NBEA: variants seen among roughly 807,000 people sequenced by gnomAD.
NBEA encodes the protein neurobeachin.
In NBEA, 44 loss-of-function variants were observed where a neutral mutation model predicts 343.4. The observed-to-expected ratio is 0.13, with a 90% CI of 0.10 to 0.16. The LOEUF (loss-of-function observed/expected upper bound fraction) is 0.16, where lower values mean the gene tolerates loss of function less well. Among genes scored for constraint, NBEA ranks in the 10% least tolerant of loss-of-function variants. NBEA has a pLI of 1.00. For synonymous variants in NBEA, 1,175 were observed against 1,238.7 expected (o/e 0.95, Z 1.08); for missense variants, 2,555 against 3,631.3 (o/e 0.70, Z 7.62).
At chr13:35,000,225 A>G (rs1002292248) in intron 1 of NBEA, among the ~76,000 whole-genome samples, 6 of 152,318 alleles carry the variant, frequency 3.9e-5, no homozygotes, top group South Asian at 2.1e-4. Context: ...AAGAAGGGCA[A>G]TGAACCAGGA....
In NBEA at chr13:35,615,263, A is replaced by C. The variant is rs145104025; in HGVS notation, c.7449+8685A>C. Among the ~76,000 whole-genome samples the C allele has an allele frequency of 8.0e-3, 1,182 of 146,906 alleles. 14 individuals carry two copies. The highest frequency in any genetic ancestry group is 0.028 in the African/African-American group (1,092 of 39,456). On this transcript the variant is annotated intron_variant, in intron 48 of 58. Coordinates refer to ENST00000379939, the MANE Select transcript of NBEA (RefSeq NM_001385012.1). ...ACATCACACCATTGCACTCCAGCCT[A>C]GGTGACAGAATAAGACCCTGTCTCA...
chr13:35,489,334 A>G (rs976576188), intron 41 of NBEA, among the ~76,000 whole-genome samples: 3 of 151,696 alleles, frequency 2.0e-5, no homozygotes, highest in African/African-American at 7.3e-5. Flanking sequence ...CGGTCGTTTT[A>G]TGAACTCTTT....
Position 35,472,499 on chromosome 13 carries a change from A to T in NBEA, c.6548A>T (p.Asp2183Val), listed in dbSNP as rs369385598. Reference protein sequence around the residue: ...ITTTEIYFEVDEDDSAFKKID... With the variant: ...ITTTEIYFEVVEDDSAFKKID... ...ACGACAGAAATCTACTTCGAGGTAG[A>T]TGAGGATGATTCTGCCTTCAAGAAG... Residue 2183 changes from aspartate to valine, a missense_variant, in exon 41 of 59, where the codon GAT becomes GTT. Physicochemically the swap from Asp to Val is radical, Grantham distance 152. Transcript: ENST00000379939. The T allele has an allele frequency of 2.2e-5, 36 of 1,613,828 alleles. No individual in the cohort carries two copies. The highest frequency in any genetic ancestry group is 3.0e-5 in the Non-Finnish European group (35 of 1,179,880).
chr13:35,029,235 G>A (rs905661628), intron 1 of NBEA, among the ~76,000 whole-genome samples: 11 of 145,106 alleles, frequency 7.6e-5, no homozygotes, highest in East Asian at 2.0e-4. Context: ...TAAACATTTA[G>A]TCTATAACAC....
At chr13:34,998,788 G>T (rs372506881) in intron 1 of NBEA, among the ~76,000 whole-genome samples, 2 of 151,922 alleles carry the variant, frequency 1.3e-5, no homozygotes, top group Non-Finnish European at 2.9e-5. Flanking sequence ...TGCAGTTAAC[G>T]CAATCATCAC....
intron 41 of NBEA, chr13:35,476,013 C>T: frequency 1.2e-6 from 2 of 1,614,220 alleles, no homozygotes; most frequent in Non-Finnish European, 1.7e-6. Flanking sequence ...CCACTTCCTT[C>T]AGTACGTCGG....
At chr13:35,049,290 T>TATATATAAATAC (rs2062979564) in intron 5 of NBEA, among the ~76,000 whole-genome samples, 1 of 151,924 alleles carries the variant, frequency 6.6e-6, no homozygotes, top group East Asian at 1.9e-4. Context: ...ATGCTAGGCA[T>TATATATAAATAC]TGTAAGTGTT....
chr13:34,969,749 T>C (rs776740149), intron 1 of NBEA, among the ~76,000 whole-genome samples: 3 of 152,082 alleles, frequency 2.0e-5, no homozygotes, highest in Non-Finnish European at 2.9e-5. Flanking sequence ...CTGCATAGTA[T>C]TCCATGCTGT....
chr13:35,447,354 C>T (rs2046096625), intron 39 of NBEA, among the ~76,000 whole-genome samples: 3 of 152,052 alleles, frequency 2.0e-5, no homozygotes. Flanking sequence ...CATTTTAGTT[C>T]TGCTGTTACT....
At chr13:35,000,646 G>A (rs2061100636) in intron 1 of NBEA, among the ~76,000 whole-genome samples, 1 of 151,390 alleles carries the variant, frequency 6.6e-6, no homozygotes, top group African/African-American at 2.4e-5. Context: ...CAGGGATACT[G>A]ATCGAGCAAG....
At chr13:35,285,806 C>G (rs995851070) in intron 34 of NBEA, among the ~76,000 whole-genome samples, 4 of 152,124 alleles carry the variant, frequency 2.6e-5, no homozygotes, top group Non-Finnish European at 5.9e-5. Context: ...TGTAGTGGCT[C>G]CCTGGTGATG....
rs769510067 is a variant in NBEA, at chr13:35,041,083, C to T, written c.445C>T (p.Arg149Trp). The T allele has an allele frequency of 3.7e-6, 6 of 1,613,050 alleles. No homozygotes were observed. Among genetic ancestry groups the T allele is most frequent in the South Asian group, 2.2e-5 (2 of 91,044 alleles). The stretch of plus-strand genomic sequence containing the variant: ...TACAGCCATTCTACGAAAAAGTGTT[C>T]GGAATTTACAGACTAGCACAGAAGT... Reference protein sequence around the residue: ...MFTAILRKSVRNLQTSTEVGL... With the variant: ...MFTAILRKSVWNLQTSTEVGL... The change falls in exon 2 of 59, where the codon CGG becomes TGG. Residue 149 changes from arginine to tryptophan, a missense_variant. By Grantham distance (101) the Arg-to-Trp change is moderately radical. Coordinates refer to ENST00000379939, the MANE Select transcript of NBEA (RefSeq NM_001385012.1).
At chr13:35,431,696 TG>T (rs1015845467) in intron 38 of NBEA, among the ~76,000 whole-genome samples, 2 of 152,204 alleles carry the variant, frequency 1.3e-5, no homozygotes, top group African/African-American at 4.8e-5. Flanking sequence ...TTATTAATAA[TG>T]GATAAAATTG....
intron 35 of NBEA, among the ~76,000 whole-genome samples, chr13:35,308,458 A>ATATATATATATATATATG: frequency 8.4e-6 from 1 of 118,440 alleles, no homozygotes; most frequent in African/African-American, 4.1e-5. Context: ...ATATATATAT[A>ATATATATATATATATATG]TATATATATA....
chr13:35,625,919 C>T (rs760469741), intron 48 of NBEA, among the ~76,000 whole-genome samples: 6 of 152,008 alleles, frequency 3.9e-5, no homozygotes, highest in Non-Finnish European at 5.9e-5. Flanking sequence ...AGAGTGGGCA[C>T]GGATGACTCA....
chr13:35,317,025 G>C (rs756131858), intron 36 of NBEA, among the ~76,000 whole-genome samples: 1 of 152,002 alleles, frequency 6.6e-6, no homozygotes, highest in Non-Finnish European at 1.5e-5. Context: ...TTGTCAGATG[G>C]ATAGATTGCA....
chr13:35,115,329 G>A (rs1436402399), intron 13 of NBEA, among the ~76,000 whole-genome samples: 1 of 151,790 alleles, frequency 6.6e-6, no homozygotes, highest in African/African-American at 2.4e-5. Context: ...ATATAAACAA[G>A]TTATAATTAT....
chr13:35,084,933 C>A (rs1476223207), intron 10 of NBEA, among the ~76,000 whole-genome samples: 4 of 151,994 alleles, frequency 2.6e-5, no homozygotes, highest in Non-Finnish European at 4.4e-5. Flanking sequence ...TACAATCTAC[C>A]ATCAGAGAAT....
chr13:35,079,713 A>G (rs766090724), intron 10 of NBEA, among the ~76,000 whole-genome samples: 4 of 152,184 alleles, frequency 2.6e-5, no homozygotes, highest in Non-Finnish European at 5.9e-5. Flanking sequence ...TGGTTAGAAT[A>G]AAATCATTTG....
Sources: gnomAD v4.1 joint callset for allele counts (sites outside exome capture counted in the v4.1 genomes callset) on GRCh38, gnomAD v4.1.1 for gene constraint, MANE v1.5 for transcripts, NCBI Gene and HGNC (gene_info 2026-07-23, HGNC 2026-07-21) for gene names.